FGD5: variants seen among roughly 807,000 people sequenced by gnomAD.
FGD5 encodes FYVE, RhoGEF and PH domain-containing protein 5.
Under a neutral mutation model 133.4 loss-of-function variants are expected in FGD5, and 28 were observed. The ratio of observed to expected loss-of-function variants is 0.21; its 90% CI spans 0.16 to 0.29. The LOEUF is 0.29. Among genes scored for constraint, FGD5 ranks in the 10% least tolerant of loss-of-function variants. FGD5 has a pLI of 1.00. For missense variants in FGD5, 1,858 were observed against 1,895.2 expected, an observed-to-expected ratio of 0.98 and a Z score of 0.36; for synonymous variants, 810 against 776.5, an observed-to-expected ratio of 1.04 and a Z score of -0.72.
At chr3:14,898,677 T>G in intron 6 of FGD5, 62 bp from the exon 7 acceptor site, 5 of 1,380,586 alleles carry the variant, frequency 3.6e-6, no homozygotes, top group Non-Finnish European at 5.0e-6. Context: ...TGGGCTGCTG[T>G]GAGCATGGTG....
At chr3:14,892,803 G>A (rs1364713430) in intron 4 of FGD5, among the ~76,000 whole-genome samples, 1 of 141,564 alleles carries the variant, frequency 7.1e-6, no homozygotes, top group Admixed American at 7.3e-5. Context: ...TGGGCAACAA[G>A]AGCAAAAATC....
At chr3:14,855,542 T>C (rs993157396) in intron 1 of FGD5, among the ~76,000 whole-genome samples, 6 of 152,224 alleles carry the variant, frequency 3.9e-5, no homozygotes. Context: ...TTTTTGATAA[T>C]AGCCATTCTA....
At chr3:14,843,705 G>GTTTTTTTTT (rs1320831482) in intron 1 of FGD5, among the ~76,000 whole-genome samples, 1 of 110,422 alleles carries the variant, frequency 9.1e-6, no homozygotes. Context: ...TTTTTTTTTG[G>GTTTTTTTTT]GGGGAGACAG....
intron 3 of FGD5, 55 bp from the exon 4 acceptor site, chr3:14,880,687 C>A: frequency 1.2e-6 from 2 of 1,613,998 alleles, no homozygotes; most frequent in Non-Finnish European, 1.7e-6. Context: ...CGTCACCCTC[C>A]TGGGCTTACA....
Position 14,898,004 on chromosome 3 carries a change from C to G in FGD5, c.2975C>G (p.Thr992Ser), listed in dbSNP as rs777719064. 1.9e-6 allele frequency: 3 copies of G among 1,613,982 alleles called. No homozygotes were observed. Among genetic ancestry groups the G allele is most frequent in the Non-Finnish European group, 2.5e-6 (3 of 1,179,888 alleles). Reference sequence around the variant, plus strand: ...GAGCAGGGGTTTGATCACCACGCCACTCACATCCTGCAGTTCGACAGGTAC... The same window carrying G: ...GAGCAGGGGTTTGATCACCACGCCAGTCACATCCTGCAGTTCGACAGGTAC... ...AREQGFDHHATHILQFDRYLG... is the reference protein window; with the variant it reads ...AREQGFDHHASHILQFDRYLG... The change falls in exon 6 of 20, where the codon ACT (threonine) becomes AGT (serine). Residue 992 changes from threonine (T) to serine (S), a missense_variant. Thr to Ser is a moderately conservative substitution (Grantham distance 58, BLOSUM62 1). Around this residue, in one of 3 missense-constraint regions of FGD5, gnomAD observed 1,824 missense variants for 1,848.9 expected, o/e 0.99. Coordinates refer to ENST00000285046, the MANE Select transcript of FGD5 (RefSeq NM_152536.4).
Position 14,819,477 on chromosome 3 carries a change from G to A in FGD5, c.406G>A (p.Glu136Lys). 6.4e-7 allele frequency: 1 copy of A among 1,551,364 alleles called. No homozygotes were observed. Among genetic ancestry groups the A allele is most frequent in the Non-Finnish European group, 8.7e-7 (1 of 1,146,964 alleles). ...TGCAGGAGCGCTGAGCAGGGAGGGTGAGGAAGGCACAGACCTTGCTCTTGA... is the reference window on the plus strand; with the variant it reads ...TGCAGGAGCGCTGAGCAGGGAGGGTAAGGAAGGCACAGACCTTGCTCTTGA... The part of the protein sequence containing the change: ...PGAGALSREG[E>K]EGTDLALEDE... Residue 136 changes from glutamate to lysine, a missense_variant, in exon 1 of 20, where the codon GAG becomes AAG. By Grantham distance (56) the Glu-to-Lys change is moderately conservative. Coordinates refer to ENST00000285046, the MANE Select transcript of FGD5 (RefSeq NM_152536.4). This position sits in a 1 kb window ranked among gnomAD's most constrained non-coding sequence, Gnocchi z 4.1.
chr3:14,824,968 C>A (rs1374783669), intron 1 of FGD5, among the ~76,000 whole-genome samples: 1 of 152,152 alleles, frequency 6.6e-6, no homozygotes, highest in East Asian at 1.9e-4. Flanking sequence ...CAGAGACTTT[C>A]TACCTGGCAA....
chr3:14,904,450 G>C (rs76386840), intron 9 of FGD5, among the ~76,000 whole-genome samples: 3,033 of 152,088 alleles, frequency 0.02, 96 homozygotes, highest in East Asian at 0.11. Flanking sequence ...TATTGGGAGC[G>C]TTTTCAGTTG....
rs2038161442 is a variant in FGD5, at chr3:14,897,608, C to T, written c.2848C>T (p.Pro950Ser). 6.2e-7 allele frequency: 1 copy of T among 1,605,494 alleles called. No homozygotes were observed. The highest frequency in any genetic ancestry group is 1.7e-5 in the Admixed American group (1 of 58,972). ...GCTGAGGCAGGGCCTGAGTGAACTC[C>T]CAGCCATCCACGACCTTCATCAAGG... ...EELRQGLSELPAIHDLHQGIL... is the reference protein window; with the variant it reads ...EELRQGLSELSAIHDLHQGIL... The change falls in exon 5 of 20, where the codon CCA becomes TCA. Residue 950 changes from proline (P) to serine (S), a missense_variant. Coordinates refer to ENST00000285046, the MANE Select transcript of FGD5 (RefSeq NM_152536.4).
chr3:14,904,005 T>G (rs1575246338), intron 9 of FGD5, among the ~76,000 whole-genome samples: 1 of 152,342 alleles, frequency 6.6e-6, no homozygotes, highest in Non-Finnish European at 1.5e-5. Flanking sequence ...TTCTCATGAT[T>G]AGACTGGGTA....
At chr3:14,849,307 C>G (rs1440560212) in intron 1 of FGD5, among the ~76,000 whole-genome samples, 1 of 152,216 alleles carries the variant, frequency 6.6e-6, no homozygotes, top group East Asian at 1.9e-4. Flanking sequence ...TGGCACCTCT[C>G]ACACATTTTC....
intron 2 of FGD5, among the ~76,000 whole-genome samples, chr3:14,867,496 A>G (rs2037517966): frequency 6.6e-6 from 1 of 152,130 alleles, no homozygotes; most frequent in Non-Finnish European, 1.5e-5. Flanking sequence ...GGTAGATCCC[A>G]GAAGGCAATC....
Position 14,855,912 on chromosome 3 carries a change from T to TG in FGD5, c.2526-8215dup, listed in dbSNP as rs1362315249. Among the ~76,000 whole-genome samples, 7 of 152,220 alleles carry TG rather than the reference T, an allele frequency of 4.6e-5. 1 individual carries two copies. Among genetic ancestry groups the TG allele is most frequent in the Admixed American group, 3.9e-4 (6 of 15,278 alleles). ...CCCATTTGTTTATTTTTACTTTTGTTGCCTGTGTTTTTGAGGTCTTAGTCA... is the reference window on the plus strand; with the variant it reads ...CCCATTTGTTTATTTTTACTTTTGTTGGCCTGTGTTTTTGAGGTCTTAGTCA... On this transcript the variant is annotated intron_variant, in intron 1 of 19. Transcript: ENST00000285046.
chr3:14,883,392 C>G (rs2037864849), intron 4 of FGD5, among the ~76,000 whole-genome samples: 1 of 152,206 alleles, frequency 6.6e-6, no homozygotes, highest in African/African-American at 2.4e-5. Flanking sequence ...ACCTGCGCAT[C>G]TGTCAATCTC....
chr3:14,828,111 G>A (rs558023908), intron 1 of FGD5, among the ~76,000 whole-genome samples: 9 of 152,186 alleles, frequency 5.9e-5, no homozygotes, highest in East Asian at 3.8e-4. Flanking sequence ...TTTGGGCAAG[G>A]ATTGCATGGA....
At chr3:14,882,570 C>T (rs902934421) in intron 4 of FGD5, among the ~76,000 whole-genome samples, 5 of 151,820 alleles carry the variant, frequency 3.3e-5, no homozygotes, top group Non-Finnish European at 5.9e-5. Context: ...TGGTGGTGGG[C>T]GCTTGTAATC....
rs142779449 is a variant in FGD5, at chr3:14,870,223, G to C, written c.2658+5963G>C. 1.8e-3 allele frequency among the ~76,000 whole-genome samples: 273 copies of C among 152,352 alleles called. 2 individuals carry two copies. The highest frequency in any genetic ancestry group is 4.2e-3 in the African/African-American group (173 of 41,590). On this transcript the variant is annotated intron_variant, in intron 2 of 19. Coordinates refer to ENST00000285046, the MANE Select transcript of FGD5 (RefSeq NM_152536.4). ...AGAGGAGAGCAGTGCAAGGGCAGGA[G>C]GGCGGAGAGAGTCTGTGAGCCAGAG...
chr3:14,837,553 A>G (rs1049944110), intron 1 of FGD5, among the ~76,000 whole-genome samples: 1 of 151,798 alleles, frequency 6.6e-6, no homozygotes, highest in Non-Finnish European at 1.5e-5. Context: ...ATCTGTCCTC[A>G]CTCTTTGGCC....
chr3:14,901,186 T>G, intron 9 of FGD5, 125 bp downstream of exon 9: 1 of 1,027,130 alleles, frequency 9.7e-7, no homozygotes, highest in Non-Finnish European at 1.5e-6. Context: ...TGTGGGACTC[T>G]GCAGAGAGCC....
Sources: allele counts gnomAD v4.1 joint callset (sites outside exome capture counted in the v4.1 genomes callset), GRCh38; gene constraint gnomAD v4.1.1; regional missense constraint gnomAD v4.1.1; non-coding constraint Gnocchi (gnomAD v3.1); transcripts MANE v1.5; gene names NCBI Gene and HGNC (gene_info 2026-07-23, HGNC 2026-07-21).